TRAP1: variants seen among roughly 807,000 people sequenced by gnomAD.
The protein encoded by TRAP1 is heat shock protein 75 kDa, mitochondrial.
TRAP1 carries 102 observed loss-of-function variants against 89.1 expected under a neutral mutation model. That is an observed-to-expected ratio of 1.15 (90% confidence interval 0.98 to 1.35). The LOEUF (loss-of-function observed/expected upper bound fraction) is 1.35. TRAP1 is among the 40% of genes most tolerant of loss of function. The pLI is 0.00. For synonymous variants in TRAP1, 508 were observed against 388.0 expected (o/e 1.31, Z -3.64); for missense variants, 1,256 against 945.3 (o/e 1.33, Z -4.31).
chr16:3,692,827 G>C (rs924519292), intron 1 of TRAP1, among the ~76,000 whole-genome samples: 4 of 151,906 alleles, frequency 2.6e-5, no homozygotes, highest in African/African-American at 9.7e-5. Context: ...TCGAACTCTT[G>C]ACCTCAGGCG....
intron 5 of TRAP1, among the ~76,000 whole-genome samples, chr16:3,679,416 G>A (rs574209089): frequency 2.0e-5 from 3 of 152,132 alleles, no homozygotes; most frequent in Non-Finnish European, 4.4e-5. Flanking sequence ...AACTAACCTA[G>A]AGACCATCTA....
At chr16:3,658,961 A>G (rs2042897206) in intron 16 of TRAP1, 96 bp from the exon 17 acceptor site, 3 of 1,237,770 alleles carry the variant, frequency 2.4e-6, no homozygotes, top group Non-Finnish European at 3.5e-6. Context: ...AAAGAAGCAC[A>G]GTAAGACTGT....
intron 13 of TRAP1, chr16:3,663,889 G>A (rs2050755332): frequency 5.5e-6 from 2 of 366,624 alleles, no homozygotes; most frequent in Non-Finnish European, 1.0e-5. Context: ...ATGGTGAAAT[G>A]CCGTCTCTAT....
In TRAP1 at chr16:3,676,388, G is replaced by T. The variant is rs556550683; in HGVS notation, c.705-243C>A. ...TCGGGCGGGGGGCGGGGGGGCGGGG[G>T]TCCTCCACCGACCCTGGGCTTCGAA... On this transcript the variant is annotated intron_variant, in intron 6 of 17. Transcript: ENST00000246957. The T allele has an allele frequency of 1.1e-3, 234 of 212,436 alleles. 8 individuals carry two copies. The South Asian group carries it at 0.02, about 18-fold the overall frequency. The allele number at this position is 212,436 out of a possible 1,614,324, so 13.2% of individuals were successfully genotyped here. A position where few individuals can be genotyped will look rare whatever the true frequency, so the allele number is the denominator to read the frequency against.
chr16:3,662,535 A>G, intron 15 of TRAP1: 1 of 536,026 alleles, frequency 1.9e-6, no homozygotes, highest in Non-Finnish European at 3.5e-6. Context: ...ACCCCCGACT[A>G]AGCACCCAAG....
rs114817669 is a variant in TRAP1, at chr16:3,707,178, G to C, written c.88+10243C>G. On this transcript the variant is annotated intron_variant, in intron 1 of 17. Transcript: ENST00000246957. ...AGTTTTTAAAAAAAATGATTTAAGA[G>C]GAAATCTTTTTTTTTTTTTTTTTTT... Among the ~76,000 whole-genome samples, 1,492 of 151,660 alleles carry C rather than the reference G, an allele frequency of 9.8e-3. 11 individuals carry two copies. The highest frequency in any genetic ancestry group is 0.025 in the African/African-American group (1,054 of 41,358).
At chr16:3,661,262 G>T (rs756826063) in intron 16 of TRAP1, 1 of 152,028 alleles carries the variant, frequency 6.6e-6, no homozygotes, top group African/African-American at 2.4e-5. Flanking sequence ...ACTGTAAAAA[G>T]AAAGAAACTC....
chr16:3,661,144 T>C (rs2043051890), intron 16 of TRAP1: 1 of 152,014 alleles, frequency 6.6e-6, no homozygotes, highest in Non-Finnish European at 1.5e-5. Context: ...ATAAGACACA[T>C]CAAAGAATAA....
At chr16:3,694,708 ACT>A (rs2051263134) in intron 1 of TRAP1, among the ~76,000 whole-genome samples, 2 of 151,986 alleles carry the variant, frequency 1.3e-5, no homozygotes, top group African/African-American at 2.4e-5. Context: ...GAACTCCTGG[ACT>A]CAAGTAATCC....
At chr16:3,684,685 G>A (rs532469049) in intron 4 of TRAP1, among the ~76,000 whole-genome samples, 1 of 152,208 alleles carries the variant, frequency 6.6e-6, no homozygotes, top group African/African-American at 2.4e-5. Flanking sequence ...AGCTACTCAG[G>A]AAGCTGAGGC....
intron 1 of TRAP1, among the ~76,000 whole-genome samples, chr16:3,711,648 A>G (rs1259979776): frequency 1.3e-5 from 2 of 152,068 alleles, no homozygotes; most frequent in South Asian, 2.1e-4. Flanking sequence ...AAAAAAACAC[A>G]GGTGGCAGTA....
At chr16:3,683,717 T>C (rs1331578496) in intron 4 of TRAP1, among the ~76,000 whole-genome samples, 7 of 151,486 alleles carry the variant, frequency 4.6e-5, no homozygotes, top group Non-Finnish European at 8.8e-5. Flanking sequence ...AAGCTGGGTG[T>C]TGGAGTAGAT....
chr16:3,701,293 A>G (rs2051361449), intron 1 of TRAP1, among the ~76,000 whole-genome samples: 1 of 152,206 alleles, frequency 6.6e-6, no homozygotes, highest in South Asian at 2.1e-4. Flanking sequence ...GCTTCAACAT[A>G]TATGAAGTTA....
intron 12 of TRAP1, 152 bp from the exon 13 acceptor site, chr16:3,664,611 G>A (rs1416508793): frequency 2.4e-5 from 19 of 789,004 alleles, no homozygotes; most frequent in South Asian, 3.9e-5. Flanking sequence ...GGGGTTGTCC[G>A]AGAGCAGGCC....
Position 3,663,658 on chromosome 16 carries a change from C to T in TRAP1, c.1570-96G>A, listed in dbSNP as rs755276469. On this transcript the variant is annotated intron_variant, in intron 13 of 17. Transcript: ENST00000246957. ...CGGCAGGAGGGCTGGGGGAGCCAAG[C>T]GGGCCACACTGGGGAACACCGGGGC... 5 of 1,520,980 alleles carry T rather than the reference C, an allele frequency of 3.3e-6. No individual in the cohort carries two copies. The South Asian group carries it at 4.8e-5, about 15-fold the overall frequency. The allele number at this position is 1,520,980 out of a possible 1,614,324, so 94.2% of individuals were successfully genotyped here.
chr16:3,678,491 T>C (rs1056121881), intron 5 of TRAP1: 13 of 152,122 alleles, frequency 8.5e-5, no homozygotes, highest in African/African-American at 3.1e-4. Flanking sequence ...TGAGATGGAG[T>C]GTCGCTCTGT....
At chr16:3,714,457 G>C (rs1395407695) in intron 1 of TRAP1, among the ~76,000 whole-genome samples, 1 of 152,116 alleles carries the variant, frequency 6.6e-6, no homozygotes, top group Non-Finnish European at 1.5e-5. Context: ...TCAGGAGTTC[G>C]AGACCACCCT....
At position 3,717,448 on chromosome 16, in the gene TRAP1, C is replaced by A. The variant is rs1489935794; in HGVS notation, c.61G>T (p.Ala21Ser). ...WGRRLRPLLR[A>S]PALAAVPGGK... The stretch of plus-strand genomic sequence containing the variant: ...CCCGGCACGGCCGCCAGCGCCGGCG[C>A]CCGCAGCAAAGGCCGCAGGCGGCGG... The change falls in exon 1 of 18, where the codon GCG (alanine) becomes TCG (serine). Residue 21 changes from alanine (A) to serine (S), a missense_variant. By Grantham distance (99) the Ala-to-Ser change is moderately conservative. Coordinates refer to ENST00000246957, the MANE Select transcript of TRAP1 (RefSeq NM_016292.3). 3 of 1,278,092 alleles carry A rather than the reference C, an allele frequency of 2.3e-6. No individual in the cohort carries two copies. The East Asian group carries it at 9.7e-5, about 41-fold the overall frequency. The allele number at this position is 1,278,092 out of a possible 1,614,324, so 79.2% of individuals were successfully genotyped here.
chr16:3,715,052 G>A (rs2051579839), intron 1 of TRAP1, among the ~76,000 whole-genome samples: 3 of 152,326 alleles, frequency 2.0e-5, no homozygotes, highest in Middle Eastern at 6.8e-3. Flanking sequence ...AGGCTGCCAA[G>A]AACATGTTCC....
Sources: gnomAD v4.1 joint callset for allele counts (sites outside exome capture counted in the v4.1 genomes callset) on GRCh38, gnomAD v4.1.1 for gene constraint, MANE v1.5 for transcripts, NCBI Gene and HGNC (gene_info 2026-07-23, HGNC 2026-07-21) for gene names.